Variants in ANKRD17 observed in about 807,000 individuals in gnomAD.
ANKRD17 encodes the protein ankyrin repeat domain-containing protein 17.
ANKRD17 carries 19 observed loss-of-function variants against 229.7 expected under a neutral mutation model. That is an observed-to-expected ratio of 0.08 (90% confidence interval 0.06 to 0.12). The LOEUF (loss-of-function observed/expected upper bound fraction) is 0.12. Ranked by LOEUF, ANKRD17 falls within the 10% of genes least tolerant of loss-of-function variation. The probability of loss-of-function intolerance (pLI) is 1.00; values close to 1 mark genes in which losing one functional copy is unlikely to be tolerated. For synonymous variants in ANKRD17, 1,112 were observed against 1,146.1 expected, an observed-to-expected ratio of 0.97 and a Z score of 0.60; for missense variants, 2,176 against 3,176.8, an observed-to-expected ratio of 0.68 and a Z score of 7.57.
chr4:73,163,483 G>A (rs983676452), intron 2 of ANKRD17, among the ~76,000 whole-genome samples: 4 of 152,086 alleles, frequency 2.6e-5, no homozygotes, highest in African/African-American at 9.7e-5. Context: ...TTAAAGAAAG[G>A]CTATTATAGG....
At chr4:73,231,885 G>A (rs1279920228) in intron 1 of ANKRD17, among the ~76,000 whole-genome samples, 1 of 152,188 alleles carries the variant, frequency 6.6e-6, no homozygotes, top group Admixed American at 6.5e-5. Flanking sequence ...ATAAGGACAG[G>A]GCGTGAAGGG....
At chr4:73,172,702 C>T (rs1390356962) in intron 2 of ANKRD17, among the ~76,000 whole-genome samples, 1 of 151,776 alleles carries the variant, frequency 6.6e-6, no homozygotes, top group Non-Finnish European at 1.5e-5. Flanking sequence ...TTTCTTTTAC[C>T]TTGTTAAATT....
chr4:73,243,477 A>G (rs1385350232), intron 1 of ANKRD17, among the ~76,000 whole-genome samples: 1 of 152,178 alleles, frequency 6.6e-6, no homozygotes, highest in Non-Finnish European at 1.5e-5. Flanking sequence ...TCTACCTCCT[A>G]CATAGGGTGG....
intron 1 of ANKRD17, among the ~76,000 whole-genome samples, chr4:73,253,667 G>C (rs1348703148): frequency 6.6e-6 from 1 of 152,120 alleles, no homozygotes; most frequent in Non-Finnish European, 1.5e-5. Flanking sequence ...ACAAACAGTA[G>C]GTACTGAATA....
At chr4:73,099,292 C>A in intron 25 of ANKRD17, 1 of 593,632 alleles carries the variant, frequency 1.7e-6, no homozygotes. Flanking sequence ...CACCTGCACC[C>A]TCACCACCAC....
chr4:73,169,685 C>T (rs1272632202), intron 2 of ANKRD17, among the ~76,000 whole-genome samples: 2 of 152,162 alleles, frequency 1.3e-5, no homozygotes, highest in Non-Finnish European at 2.9e-5. Flanking sequence ...GTAGAAAAGA[C>T]AGTTTTGAAT....
chr4:73,187,566 G>C (rs1370795807), intron 1 of ANKRD17, among the ~76,000 whole-genome samples: 1 of 152,162 alleles, frequency 6.6e-6, no homozygotes, highest in African/African-American at 2.4e-5. Flanking sequence ...ACATACTGAA[G>C]TAACCAATGG....
At chr4:73,249,385 G>T (rs1744782691) in intron 1 of ANKRD17, among the ~76,000 whole-genome samples, 1 of 152,140 alleles carries the variant, frequency 6.6e-6, no homozygotes, top group African/African-American at 2.4e-5. Flanking sequence ...TGCAAGAGAG[G>T]CACAGCCATA....
chr4:73,152,270 T>C (rs534701950), intron 6 of ANKRD17, among the ~76,000 whole-genome samples: 1 of 152,330 alleles, frequency 6.6e-6, no homozygotes, highest in East Asian at 1.9e-4. Flanking sequence ...GAAGGACAGA[T>C]AGTGGAGTCA....
At chr4:73,103,481 T>C (rs1019648663) in intron 24 of ANKRD17, among the ~76,000 whole-genome samples, 13 of 152,144 alleles carry the variant, frequency 8.5e-5, no homozygotes, top group African/African-American at 3.1e-4. Flanking sequence ...GGTTTAAAAG[T>C]CCAAAAATAT....
chr4:73,144,784 C>T lies in ANKRD17; in HGVS notation c.1918G>A (p.Ala640Thr). Reference sequence around the variant, plus strand: ...AACTGAACAGTACAAACATGACCAGCTCTTGCAGCTTTCATTAAAGGAGTT... The same window carrying T: ...AACTGAACAGTACAAACATGACCAGTTCTTGCAGCTTTCATTAAAGGAGTT... Reference protein sequence around the residue: ...GRTPLMKAARAGHVCTVQFLI... With the variant: ...GRTPLMKAARTGHVCTVQFLI... The change falls in exon 11 of 34, where the codon GCT becomes ACT. Residue 640 changes from alanine (A) to threonine (T), a missense_variant. By Grantham distance (58) the Ala-to-Thr change is moderately conservative. Around this residue, in one of 18 missense-constraint regions of ANKRD17, gnomAD observed 275 missense variants for 386.9 expected, o/e 0.71. Coordinates refer to ENST00000358602, the MANE Select transcript of ANKRD17 (RefSeq NM_032217.5). 6.2e-7 allele frequency: 1 copy of T among 1,605,714 alleles called. No individual in the cohort carries two copies. Among genetic ancestry groups the T allele is most frequent in the South Asian group, 1.1e-5 (1 of 89,006 alleles).
chr4:73,179,460 GTATATA>G (rs569691576), intron 1 of ANKRD17, among the ~76,000 whole-genome samples: 4 of 84,574 alleles, frequency 4.7e-5, no homozygotes, highest in African/African-American at 9.1e-5. Flanking sequence ...GTGTATATAT[GTATATA>G]TGTGTGTGTG....
intron 2 of ANKRD17, among the ~76,000 whole-genome samples, chr4:73,164,061 A>G (rs2148928637): frequency 6.6e-6 from 1 of 152,360 alleles, no homozygotes; most frequent in South Asian, 2.1e-4. Context: ...ACTAATATTA[A>G]AAGTCATACT....
intron 1 of ANKRD17, chr4:73,223,014 G>T: frequency 6.5e-7 from 1 of 1,535,898 alleles, no homozygotes; most frequent in Non-Finnish European, 8.7e-7. Flanking sequence ...CATTTCAGCC[G>T]CTGTCTCCAC....
intron 18 of ANKRD17, among the ~76,000 whole-genome samples, chr4:73,122,655 C>T (rs1389845264): frequency 2.0e-5 from 3 of 152,020 alleles, no homozygotes; most frequent in African/African-American, 7.2e-5. Flanking sequence ...AATAATATAT[C>T]CTAAAATACT....
chr4:73,102,744 C>A, intron 24 of ANKRD17, 197 bp from the exon 25 acceptor site: 2 of 529,664 alleles, frequency 3.8e-6, no homozygotes, highest in South Asian at 5.9e-5. Flanking sequence ...ATCAAATTAA[C>A]AATATAAGAC....
chr4:73,091,527 G>A lies in ANKRD17; in HGVS notation c.6101C>T (p.Ala2034Val), dbSNP rs1367762187. Residue 2034 changes from alanine (A) to valine (V), a missense_variant, in exon 29 of 34, where the codon GCC becomes GTC. Physicochemically the swap from Ala to Val is moderately conservative, Grantham distance 64. Coordinates refer to ENST00000358602, the MANE Select transcript of ANKRD17 (RefSeq NM_032217.5). ...GGATGATACTGGATAGTGTTCTTTGGCAGTAGGCATAGGATATGTGGCATT... is the reference window on the plus strand; with the variant it reads ...GGATGATACTGGATAGTGTTCTTTGACAGTAGGCATAGGATATGTGGCATT... ...PTNATYPMPT[A>V]KEHYPVSSPS... 6.2e-7 allele frequency: 1 copy of A among 1,614,152 alleles called. No homozygotes were observed. Among genetic ancestry groups the A allele is most frequent in the South Asian group, 1.1e-5 (1 of 91,080 alleles).
chr4:73,226,714 T>A (rs888165856), intron 1 of ANKRD17, among the ~76,000 whole-genome samples: 2 of 151,998 alleles, frequency 1.3e-5, no homozygotes, highest in African/African-American at 4.8e-5. Context: ...ATTTCTTTAT[T>A]CTTTCTTTTT....
At chr4:73,082,489 G>T (rs374050034) in intron 30 of ANKRD17, among the ~76,000 whole-genome samples, 1 of 152,074 alleles carries the variant, frequency 6.6e-6, no homozygotes, top group African/African-American at 2.4e-5. Flanking sequence ...GACAGAACTC[G>T]TGAGAAGAAA....
Sources: allele counts gnomAD v4.1 joint callset (sites outside exome capture counted in the v4.1 genomes callset), GRCh38; gene constraint gnomAD v4.1.1; regional missense constraint gnomAD v4.1.1; transcripts MANE v1.5; gene names NCBI Gene and HGNC (gene_info 2026-07-23, HGNC 2026-07-21).